Variants in TENM3 observed in about 807,000 individuals in gnomAD.
The protein encoded by TENM3 is teneurin transmembrane protein 3.
Under a neutral mutation model 255.1 loss-of-function variants are expected in TENM3, and 63 were observed. That is an observed-to-expected ratio of 0.25 (90% CI 0.20 to 0.30). The LOEUF is 0.30. Ranked by LOEUF, TENM3 falls within the 10% of genes least tolerant of loss-of-function variation. TENM3 has a pLI of 1.00. For missense variants in TENM3, 2,929 were observed against 3,461.1 expected (o/e 0.85, Z 3.86); for synonymous variants, 1,306 against 1,322.3 (o/e 0.99, Z 0.27).
At chr4:182,585,741 C>G (rs1050252318) in intron 3 of TENM3, among the ~76,000 whole-genome samples, 14 of 152,316 alleles carry the variant, frequency 9.2e-5, no homozygotes, top group Admixed American at 3.3e-4. Flanking sequence ...CATGATATAT[C>G]CAGTGCTTAT....
rs572833293 is a variant in TENM3, at chr4:182,616,489, A to T, written c.750-12162A>T. Among the ~76,000 whole-genome samples the T allele has an allele frequency of 2.9e-3, 401 of 136,380 alleles. 1 individual carries two copies. The highest frequency in any genetic ancestry group is 0.011 in the African/African-American group (387 of 35,452). The allele number at this position is 136,380 out of a possible 152,430, so 89.5% of individuals were successfully genotyped here. On this transcript the variant is annotated intron_variant, in intron 4 of 27. Transcript: ENST00000511685. ...TGTACATATGTAACTAACCTGCACA[A>T]TGTGCACATGTACCCTAAAACTTAA...
chr4:182,305,141 A>G (rs888931032), intron 1 of TENM3, among the ~76,000 whole-genome samples: 3 of 151,992 alleles, frequency 2.0e-5, no homozygotes, highest in African/African-American at 7.3e-5. Context: ...ATTCTGACAT[A>G]TTTACTGAAA....
At chr4:182,174,170 A>G (rs1233179374) in intron 1 of TENM3, among the ~76,000 whole-genome samples, 3 of 152,032 alleles carry the variant, frequency 2.0e-5, no homozygotes, top group African/African-American at 7.2e-5. Context: ...CATCGCGGGA[A>G]ATTTCTCTTT....
chr4:182,789,031 A>G lies in TENM3; in HGVS notation c.5305-62A>G. On this transcript the variant is annotated intron_variant, in intron 24 of 27. Transcript: ENST00000511685. The surrounding 1 kb of genome is among the most constrained non-coding windows in gnomAD (Gnocchi z 4.4). Reference sequence around the variant, plus strand: ...TCATCGTAAATGGTGTTTAAACAATACTGGGGACTCCGGTGTTGGAATAAC... The same window carrying G: ...TCATCGTAAATGGTGTTTAAACAATGCTGGGGACTCCGGTGTTGGAATAAC... 2 of 1,410,920 alleles carry G rather than the reference A, an allele frequency of 1.4e-6. No homozygotes were observed. The highest frequency in any genetic ancestry group is 1.4e-5 in the South Asian group (1 of 71,932). The allele number at this position is 1,410,920 out of a possible 1,614,324, so 87.4% of individuals were successfully genotyped here.
chr4:182,641,030 T>C (rs370793154), intron 5 of TENM3, among the ~76,000 whole-genome samples: 54 of 152,302 alleles, frequency 3.5e-4, no homozygotes, highest in Middle Eastern at 3.4e-3. Context: ...CACAGCCAGC[T>C]GAACTTGATA....
chr4:181,739,474 T>G, the TENM3 span, among the ~76,000 whole-genome samples: 2 of 152,180 alleles, frequency 1.3e-5, no homozygotes, highest in African/African-American at 4.8e-5. Flanking sequence ...AAAACTTTCT[T>G]TTTGGTCCTT....
At chr4:182,382,900 C>G (rs1031198158) in intron 3 of TENM3, among the ~76,000 whole-genome samples, 4 of 152,180 alleles carry the variant, frequency 2.6e-5, no homozygotes, top group Admixed American at 1.3e-4. Flanking sequence ...GGCTGATCAC[C>G]CTTGCTACGG....
the TENM3 span, among the ~76,000 whole-genome samples, chr4:181,611,183 C>T: frequency 3.3e-5 from 5 of 152,152 alleles, no homozygotes; most frequent in Non-Finnish European, 7.4e-5. Flanking sequence ...TGTAGGCGAA[C>T]GTGGGAGAGC....
At chr4:182,508,272 A>G (rs550272081) in intron 3 of TENM3, among the ~76,000 whole-genome samples, 1 of 152,314 alleles carries the variant, frequency 6.6e-6, no homozygotes, top group Admixed American at 6.5e-5. Context: ...TTTCTCAGTT[A>G]TAAATATTGT....
At chr4:182,424,936 C>T (rs12645052) in intron 3 of TENM3, among the ~76,000 whole-genome samples, 104,102 of 151,968 alleles carry the variant, frequency 0.69, 36,021 homozygotes, top group East Asian at 0.92. Context: ...AGAACTATTA[C>T]GTAAAAACTG....
At chr4:182,737,181 A>G (rs1761234593) in intron 17 of TENM3, 106 bp downstream of exon 17, 1 of 1,213,618 alleles carries the variant, frequency 8.2e-7, no homozygotes, top group African/African-American at 1.5e-5. Flanking sequence ...GAATATAAAG[A>G]GAATAAGGTT....
chr4:181,595,903 T>G, the TENM3 span, among the ~76,000 whole-genome samples: 1 of 152,202 alleles, frequency 6.6e-6, no homozygotes, highest in African/African-American at 2.4e-5. Context: ...CACAGAGAGC[T>G]ATTCCAGGCC....
At chr4:181,705,320 GC>G in the TENM3 span, among the ~76,000 whole-genome samples, 1 of 152,084 alleles carries the variant, frequency 6.6e-6, no homozygotes, top group African/African-American at 2.4e-5. Context: ...TATATACAAG[GC>G]TTTAGGGAAT....
chr4:181,892,996 C>T, the TENM3 span, among the ~76,000 whole-genome samples: 4 of 152,076 alleles, frequency 2.6e-5, no homozygotes, highest in Admixed American at 2.0e-4. Context: ...GGATGTTTCC[C>T]CAATTCAGTT....
At chr4:181,597,111 T>C in the TENM3 span, among the ~76,000 whole-genome samples, 32 of 152,360 alleles carry the variant, frequency 2.1e-4, no homozygotes, top group African/African-American at 7.2e-4. Context: ...TATTCAACCA[T>C]TGTTTCATGA....
the TENM3 span, among the ~76,000 whole-genome samples, chr4:181,527,629 T>TG: frequency 6.6e-6 from 1 of 151,706 alleles, no homozygotes; most frequent in Admixed American, 6.6e-5. Context: ...GGTTTTGTTT[T>TG]TTTTTTTTTT....
At chr4:181,865,663 T>C in the TENM3 span, among the ~76,000 whole-genome samples, 3 of 152,246 alleles carry the variant, frequency 2.0e-5, no homozygotes, top group Non-Finnish European at 2.9e-5. Flanking sequence ...TTTTTAGCAC[T>C]GACAGAAATA....
At position 182,800,230 on chromosome 4, in the gene TENM3, G is replaced by T. The variant is rs1211689070; in HGVS notation, c.7979G>T (p.Ser2660Ile). 19 of 1,592,922 alleles carry T rather than the reference G, an allele frequency of 1.2e-5. No homozygotes were observed. The highest frequency in any genetic ancestry group is 1.4e-5 in the Non-Finnish European group (16 of 1,177,848). Residue 2660 changes from serine (S) to isoleucine (I), a missense_variant, in exon 28 of 28, where the codon AGC (serine) becomes ATC (isoleucine). By Grantham distance (142) the Ser-to-Ile change is moderately radical. Coordinates refer to ENST00000511685, the MANE Select transcript of TENM3 (RefSeq NM_001080477.4). ...GAGGGCGAGAAGCGGCAGCTGCTGA[G>T]CGCCGGCAAGGTGCAGGGCTACGAC... is the stretch of plus-strand genomic sequence containing the variant. ...WTEGEKRQLL[S>I]AGKVQGYDGY...
chr4:182,169,309 T>A, intron 1 of TENM3: 1 of 480,444 alleles, frequency 2.1e-6, no homozygotes, highest in Non-Finnish European at 4.3e-6. Flanking sequence ...CTGCTGTTTC[T>A]ACCATTAGTT....
Sources: allele counts gnomAD v4.1 joint callset (sites outside exome capture counted in the v4.1 genomes callset), GRCh38; gene constraint gnomAD v4.1.1; non-coding constraint Gnocchi (gnomAD v3.1); transcripts MANE v1.5; gene names NCBI Gene and HGNC (gene_info 2026-07-23, HGNC 2026-07-21).